DLG2: variants seen among roughly 807,000 people sequenced by gnomAD.
DLG2 encodes the protein disks large homolog 2.
A neutral mutation model predicts 132.5 loss-of-function variants in DLG2; 45 were observed. That is an observed-to-expected ratio of 0.34 (90% CI 0.27 to 0.44). The LOEUF (loss-of-function observed/expected upper bound fraction) is 0.44. Ranked by LOEUF, DLG2 falls within the 20% of genes least tolerant of loss-of-function variation. The pLI is 1.00. For missense variants in DLG2, 1,045 were observed against 1,196.9 expected, an observed-to-expected ratio of 0.87 and a Z score of 1.87; for synonymous variants, 424 against 419.6, an observed-to-expected ratio of 1.01 and a Z score of -0.13.
intron 7 of DLG2, among the ~76,000 whole-genome samples, chr11:84,401,745 T>A (rs189033055): frequency 2.0e-5 from 3 of 152,270 alleles, no homozygotes; most frequent in Admixed American, 6.5e-5. Context: ...AGCAGCGATG[T>A]CATCTTGGCT....
In DLG2 at chr11:84,269,734, GA is replaced by G. The variant is rs2097695176; in HGVS notation, c.520-18444del. 2.0e-5 allele frequency among the ~76,000 whole-genome samples: 3 copies of G among 152,298 alleles called. No individual in the cohort carries two copies. The South Asian group carries it at 6.2e-4, about 32-fold the overall frequency. Reference sequence around the variant, plus strand: ...TATTGCGACTTCTTTTTGACTGACAGAAGCCCCAAGTCTAGCAGCAAGATGA... The same window carrying G: ...TATTGCGACTTCTTTTTGACTGACAGAGCCCCAAGTCTAGCAGCAAGATGA... On this transcript the variant is annotated intron_variant, in intron 7 of 27. Transcript: ENST00000376104.
chr11:84,135,362 G>A (rs1265517269), intron 9 of DLG2, among the ~76,000 whole-genome samples: 3 of 152,122 alleles, frequency 2.0e-5, no homozygotes, highest in Admixed American at 6.6e-5. Context: ...TCAAATATAC[G>A]TTTTTTAAAG....
rs539763869 is a variant in DLG2, at chr11:84,393,110, A to G, written c.519+141460T>C. Among the ~76,000 whole-genome samples, 245 of 152,286 alleles carry G rather than the reference A, an allele frequency of 1.6e-3. 1 individual carries two copies. The highest frequency in any genetic ancestry group is 5.7e-3 in the African/African-American group (236 of 41,566). ...TATTCACTAAGAAAATGGCCTAGAA[A>G]TCAGACGGGATCGCCTTTGAATCAC... On this transcript the variant is annotated intron_variant, in intron 7 of 27. Coordinates refer to ENST00000376104, the MANE Select transcript of DLG2 (RefSeq NM_001142699.3).
intron 6 of DLG2, among the ~76,000 whole-genome samples, chr11:84,998,671 T>C (rs1371507297): frequency 1.3e-5 from 2 of 152,168 alleles, no homozygotes; most frequent in Non-Finnish European, 2.9e-5. Flanking sequence ...TATGTCCTTT[T>C]ATACCTTCCA....
chr11:85,599,129 T>A (rs2079977595), intron 2 of DLG2, among the ~76,000 whole-genome samples: 1 of 152,166 alleles, frequency 6.6e-6, no homozygotes, highest in Non-Finnish European at 1.5e-5. Context: ...TCCAACTTCC[T>A]TAACATGACC....
rs530877375 is a variant in DLG2, at chr11:85,472,146, A to G, written c.40+126511T>C. 3.9e-5 allele frequency among the ~76,000 whole-genome samples: 6 copies of G among 152,230 alleles called. No homozygotes were observed. In the East Asian group the frequency reaches 1.2e-3, roughly 29 times the overall value. On this transcript the variant is annotated intron_variant, in intron 3 of 27. Transcript: ENST00000376104. The stretch of plus-strand genomic sequence containing the variant: ...GAATTTCCTTGATGCCTTTTAGCCA[A>G]TCAAGTGATGCTTTTTCCAGTGCTG...
At chr11:84,324,663 C>A (rs2098421929) in intron 7 of DLG2, among the ~76,000 whole-genome samples, 1 of 151,946 alleles carries the variant, frequency 6.6e-6, no homozygotes, top group South Asian at 2.1e-4. Context: ...TCTTTCAATC[C>A]ATGCACATTT....
chr11:85,222,798 AT>A (rs891725797), intron 4 of DLG2, among the ~76,000 whole-genome samples: 6 of 151,774 alleles, frequency 4.0e-5, no homozygotes, highest in African/African-American at 1.2e-4. Flanking sequence ...GCCTTCTGAG[AT>A]TTTTTTTTCC....
chr11:84,058,553 A>G (rs974601515), intron 11 of DLG2, among the ~76,000 whole-genome samples: 6 of 149,272 alleles, frequency 4.0e-5, no homozygotes, highest in Non-Finnish European at 7.4e-5. Flanking sequence ...CACATGCACT[A>G]GTGCATGCCT....
intron 15 of DLG2, among the ~76,000 whole-genome samples, chr11:83,875,070 T>C (rs1050187675): frequency 6.6e-6 from 1 of 152,142 alleles, no homozygotes; most frequent in Non-Finnish European, 1.5e-5. Context: ...AGGTAAATTA[T>C]ATTTAGTTAG....
intron 8 of DLG2, among the ~76,000 whole-genome samples, chr11:84,242,487 CT>C (rs1468991508): frequency 6.6e-6 from 1 of 151,802 alleles, no homozygotes; most frequent in Non-Finnish European, 1.5e-5. Flanking sequence ...CTCACTGCAA[CT>C]GCTGCCTCCC....
At chr11:85,351,515 T>C (rs900905382) in intron 3 of DLG2, among the ~76,000 whole-genome samples, 1 of 152,212 alleles carries the variant, frequency 6.6e-6, no homozygotes, top group Non-Finnish European at 1.5e-5. Flanking sequence ...GCTTCCAGTT[T>C]TTGCCCATTC....
chr11:85,035,602 C>T (rs185254957), intron 6 of DLG2, among the ~76,000 whole-genome samples: 114 of 152,260 alleles, frequency 7.5e-4, no homozygotes, highest in East Asian at 2.9e-3. Context: ...TCTTTTGACA[C>T]GTGGGTATTA....
chr11:83,854,370 A>G (rs1358383558), intron 16 of DLG2, among the ~76,000 whole-genome samples: 1 of 152,174 alleles, frequency 6.6e-6, no homozygotes, highest in Non-Finnish European at 1.5e-5. Context: ...TGTGAACTTT[A>G]TATGGAGAGG....
chr11:84,996,670 T>C (rs1409245908), intron 6 of DLG2, among the ~76,000 whole-genome samples: 1 of 152,170 alleles, frequency 6.6e-6, no homozygotes, highest in African/African-American at 2.4e-5. Flanking sequence ...TGGGGTAGTT[T>C]TTTTGGCAAA....
chr11:83,470,491 AAAG>A (rs1169103088), intron 24 of DLG2, among the ~76,000 whole-genome samples: 1 of 152,202 alleles, frequency 6.6e-6, no homozygotes, highest in Non-Finnish European at 1.5e-5. Context: ...TTAATTCAAA[AAAG>A]AGAGAATATG....
intron 3 of DLG2, among the ~76,000 whole-genome samples, chr11:85,517,934 T>C (rs1598192425): frequency 6.6e-6 from 1 of 152,204 alleles, no homozygotes; most frequent in South Asian, 2.1e-4. Flanking sequence ...AGAGTTTCCC[T>C]GCACAAGTTC....
chr11:85,101,432 C>T (rs2070834260), intron 6 of DLG2, among the ~76,000 whole-genome samples: 1 of 152,088 alleles, frequency 6.6e-6, no homozygotes, highest in African/African-American at 2.4e-5. Context: ...TGATTTAGTA[C>T]ACTTCAATGC....
chr11:83,673,553 G>T (rs1461775607), intron 18 of DLG2, among the ~76,000 whole-genome samples: 1 of 152,124 alleles, frequency 6.6e-6, no homozygotes, highest in Non-Finnish European at 1.5e-5. Flanking sequence ...ATGGTAGAAG[G>T]CCCACTAGCA....
Sources: gnomAD v4.1 joint callset for allele counts (sites outside exome capture counted in the v4.1 genomes callset) on GRCh38, gnomAD v4.1.1 for gene constraint, MANE v1.5 for transcripts, NCBI Gene and HGNC (gene_info 2026-07-23, HGNC 2026-07-21) for gene names.